ACSBG1: variants seen among roughly 807,000 people sequenced by gnomAD.
The protein encoded by ACSBG1 is acyl-CoA synthetase bubblegum family member 1.
A neutral mutation model predicts 80.2 loss-of-function variants in ACSBG1; 39 were observed. That is an observed-to-expected ratio of 0.49 (90% CI 0.38 to 0.64). ACSBG1 has a LOEUF of 0.64. Ranked by LOEUF, ACSBG1 falls within the 30% of genes least tolerant of loss-of-function variation. The probability of loss-of-function intolerance (pLI) is 0.00; values close to 1 mark genes in which losing one functional copy is unlikely to be tolerated. For missense variants in ACSBG1, 828 were observed against 966.4 expected (o/e 0.86, Z 1.90); for synonymous variants, 392 against 379.5 (o/e 1.03, Z -0.38).
chr15:78,181,824 A>G, intron 8 of ACSBG1, 145 bp downstream of exon 8: 1 of 1,096,180 alleles, frequency 9.1e-7, no homozygotes, highest in Non-Finnish European at 1.3e-6. Flanking sequence ...CATTCGAGTC[A>G]GGCTGTGCCC....
chr15:78,180,760 G>A lies in ACSBG1; in HGVS notation c.1248C>T (p.Pro416=), dbSNP rs773736059. ...CGCCCGTGGGCCCTCTGTACCTGCC[G>A]GGGCAGGTGAGGTTCTGCTCCAAGG... The part of the protein sequence containing the change: ...SVTLEQNLTC[P]GSDLKPFTTR... Residue 416 remains proline, a synonymous_variant, in exon 9 of 14, where the codon CCC becomes CCT. Coordinates refer to ENST00000258873, the MANE Select transcript of ACSBG1 (RefSeq NM_015162.5). The A allele has an allele frequency of 1.3e-5, 21 of 1,613,776 alleles. No individual in the cohort carries two copies. Among genetic ancestry groups the A allele is most frequent in the Admixed American group, 5.0e-5 (3 of 60,002 alleles).
rs1188632488 is a variant in ACSBG1, at chr15:78,182,581, G to A, written c.779C>T (p.Pro260Leu). 1.2e-6 allele frequency: 2 copies of A among 1,614,140 alleles called. No individual in the cohort carries two copies. Among genetic ancestry groups the A allele is most frequent in the Admixed American group, 3.3e-5 (2 of 60,018 alleles). ...EEFMELGNEV[P>L]EEALDAIIDT... ...AATGATGGCGTCCAGGGCTTCCTCA[G>A]GCACTTCATTCCCCAGCTCCATGAA... Residue 260 changes from proline to leucine, a missense_variant, in exon 7 of 14, where the codon CCT becomes CTT. By Grantham distance (98) the Pro-to-Leu change is moderately conservative. This residue lies in a region of ACSBG1 where 356 missense variants were observed against 363.5 expected (regional missense o/e 0.98). Transcript: ENST00000258873.
intron 1 of ACSBG1, among the ~76,000 whole-genome samples, chr15:78,212,155 C>T (rs923248098): frequency 3.3e-5 from 5 of 152,200 alleles, no homozygotes; most frequent in African/African-American, 1.2e-4. Context: ...GAAGTAGGTG[C>T]TCAATGAACG....
rs548451487 is a variant in ACSBG1, at chr15:78,170,283, C to T, written c.*1161G>A. The T allele has an allele frequency of 2.0e-5, 3 of 152,216 alleles. No homozygotes were observed. Among genetic ancestry groups the T allele is most frequent in the Admixed American group, 6.5e-5 (1 of 15,302 alleles). 9.4% of individuals were successfully genotyped at this position (152,216 alleles called of 1,614,324 possible). ...TACCCTCTGTCCCCACAACCAAAGA[C>T]AACTCATGGCCTCCTTTGGCCCTTG... On this transcript the variant is annotated 3_prime_UTR_variant, in exon 14 of 14. Transcript: ENST00000258873.
At chr15:78,191,794 A>C (rs2075059235) in intron 5 of ACSBG1, among the ~76,000 whole-genome samples, 1 of 152,178 alleles carries the variant, frequency 6.6e-6, no homozygotes, top group South Asian at 2.1e-4. Context: ...GAGGCGGTGC[A>C]TTATGAAGGA....
In ACSBG1 at chr15:78,178,932, A is replaced by C; in HGVS notation, c.1485-101T>G. The C allele has an allele frequency of 4.2e-6, 5 of 1,202,586 alleles. No homozygotes were observed. The South Asian group carries it at 7.7e-5, about 19-fold the overall frequency. 74.5% of individuals were successfully genotyped at this position (1,202,586 alleles called of 1,614,324 possible). On this transcript the variant is annotated intron_variant, in intron 10 of 13. Transcript: ENST00000258873. The surrounding 1 kb of genome is among the most constrained non-coding windows in gnomAD (Gnocchi z 4.3). ...AACTGCTCGGTCTTCACTGATTGCTAGAAGGTATCCCCTCACAGGGCTTTT... is the reference window on the plus strand; with the variant it reads ...AACTGCTCGGTCTTCACTGATTGCTCGAAGGTATCCCCTCACAGGGCTTTT...
At chr15:78,194,780 C>G in intron 2 of ACSBG1, 54 bp from the exon 3 acceptor site, 1 of 1,571,422 alleles carries the variant, frequency 6.4e-7, no homozygotes, top group African/African-American at 1.3e-5. Context: ...GGACACTTGT[C>G]CTGCCCTGGG....
chr15:78,182,683 C>T (rs1001067512), intron 6 of ACSBG1, 22 bp downstream of exon 6: 2 of 1,614,064 alleles, frequency 1.2e-6, no homozygotes, highest in Non-Finnish European at 1.7e-6. Context: ...CCACCTGGCG[C>T]CCAGGGCCCC....
intron 5 of ACSBG1, among the ~76,000 whole-genome samples, chr15:78,190,190 C>A (rs1418038152): frequency 1.3e-5 from 2 of 151,722 alleles, no homozygotes; most frequent in South Asian, 4.2e-4. Context: ...GGGCAAATTG[C>A]TTGAGCCCAG....
chr15:78,169,044 G>A lies in ACSBG1; in HGVS notation c.*2400C>T, dbSNP rs2074787202. ...GGCATTTACATCAGTCACTCTAAAT[G>A]GACACCACATGAACCTCTGTTTAGA... On this transcript the variant is annotated 3_prime_UTR_variant, in exon 14 of 14. Transcript: ENST00000258873. 6 of 1,258,420 alleles carry A rather than the reference G, an allele frequency of 4.8e-6. No homozygotes were observed. The highest frequency in any genetic ancestry group is 7.0e-6 in the Non-Finnish European group (6 of 862,596). The allele number at this position is 1,258,420 out of a possible 1,614,324, so 78.0% of individuals were successfully genotyped here.
chr15:78,209,575 C>T (rs1348157858), intron 1 of ACSBG1, among the ~76,000 whole-genome samples: 2 of 152,200 alleles, frequency 1.3e-5, no homozygotes, highest in African/African-American at 4.8e-5. Flanking sequence ...GAAGCTGCCT[C>T]CACTTTGGGC....
chr15:78,228,263 C>A (rs1010418763), intron 1 of ACSBG1, among the ~76,000 whole-genome samples: 3 of 152,086 alleles, frequency 2.0e-5, no homozygotes, highest in Non-Finnish European at 2.9e-5. Flanking sequence ...CTCACAGGAC[C>A]CAGTGTGAGA....
Position 78,223,667 on chromosome 15 carries a change from C to T in ACSBG1, c.131+10704G>A, listed in dbSNP as rs183128948. 7.9e-5 allele frequency among the ~76,000 whole-genome samples: 12 copies of T among 152,318 alleles called. No homozygotes were observed. The East Asian group carries it at 1.9e-3, about 24-fold the overall frequency. The stretch of plus-strand genomic sequence containing the variant: ...TGTGGTAAGTTGAAAATGTCCCTCA[C>T]AAGTTATCCACGTAGTGTTACCATG... On this transcript the variant is annotated intron_variant, in intron 1 of 13. Coordinates refer to ENST00000258873, the MANE Select transcript of ACSBG1 (RefSeq NM_015162.5).
At chr15:78,194,778 G>T (rs1212704103) in intron 2 of ACSBG1, 52 bp from the exon 3 acceptor site, 1 of 1,571,528 alleles carries the variant, frequency 6.4e-7, no homozygotes. Context: ...GGGGACACTT[G>T]TCCTGCCCTG....
chr15:78,176,454 AC>A (rs1303256328), intron 11 of ACSBG1, among the ~76,000 whole-genome samples: 1 of 152,206 alleles, frequency 6.6e-6, no homozygotes, highest in African/African-American at 2.4e-5. Flanking sequence ...GTCATTTGAT[AC>A]AAAGCCAATA....
At chr15:78,211,159 A>G (rs10851901) in intron 1 of ACSBG1, among the ~76,000 whole-genome samples, 58,407 of 152,148 alleles carry the variant, frequency 0.38, 12,284 homozygotes, top group East Asian at 0.72. Context: ...ACTCTGTCTT[A>G]ACTCCTCAAA....
Position 78,233,306 on chromosome 15 carries a change from G to A in ACSBG1, c.131+1065C>T, listed in dbSNP as rs566065500. Among the ~76,000 whole-genome samples the A allele has an allele frequency of 9.2e-5, 14 of 152,306 alleles. No homozygotes were observed. In the South Asian group the frequency reaches 1.0e-3, roughly 11 times the overall value. On this transcript the variant is annotated intron_variant, in intron 1 of 13. Transcript: ENST00000258873. ...GGGCAGGGCCCAGATGCCAGCCCTC[G>A]GAGGGGCCTCTGCATCTCTGAGGCG...
Position 78,184,414 on chromosome 15 carries a change from C to T in ACSBG1, c.664-1629G>A, listed in dbSNP as rs1053958264. ...CCCAGGCTGATCTTGAACTCCTGGG[C>T]TCAAGAGATCCTTCTGCCTTGGCCT... On this transcript the variant is annotated intron_variant, in intron 5 of 13. Coordinates refer to ENST00000258873, the MANE Select transcript of ACSBG1 (RefSeq NM_015162.5). Among the ~76,000 whole-genome samples the T allele has an allele frequency of 5.9e-5, 9 of 152,050 alleles. No homozygotes were observed. In the East Asian group the frequency reaches 1.7e-3, roughly 29 times the overall value.
At chr15:78,213,233 G>T (rs2141373478) in intron 1 of ACSBG1, among the ~76,000 whole-genome samples, 2 of 152,314 alleles carry the variant, frequency 1.3e-5, no homozygotes, top group South Asian at 4.1e-4. Flanking sequence ...GTCTGCAATG[G>T]CGATTCACGC....
Sources: allele counts gnomAD v4.1 joint callset (sites outside exome capture counted in the v4.1 genomes callset), GRCh38; gene constraint gnomAD v4.1.1; regional missense constraint gnomAD v4.1.1; non-coding constraint Gnocchi (gnomAD v3.1); transcripts MANE v1.5; gene names NCBI Gene and HGNC (gene_info 2026-07-23, HGNC 2026-07-21).